ZMYM6: variants seen among roughly 807,000 people sequenced by gnomAD.
ZMYM6 encodes the protein zinc finger MYM-type protein 6.
In ZMYM6, 90 loss-of-function variants were observed where a neutral mutation model predicts 134.0. The observed-to-expected ratio is 0.67, with a 90% CI of 0.57 to 0.80. ZMYM6 has a LOEUF of 0.80. Ranked by LOEUF, ZMYM6 falls within the 30% of genes least tolerant of loss-of-function variation. The pLI is 0.00. For synonymous variants in ZMYM6, 481 were observed against 524.1 expected, an observed-to-expected ratio of 0.92 and a Z score of 1.12; for missense variants, 1,362 against 1,533.9, an observed-to-expected ratio of 0.89 and a Z score of 1.87.
At chr1:34,995,006 C>CATATATACTTACATACGTATATATGTAAT (rs1640751918) in intron 14 of ZMYM6, among the ~76,000 whole-genome samples, 1 of 132,602 alleles carries the variant, frequency 7.5e-6, no homozygotes, top group African/African-American at 3.1e-5. Flanking sequence ...TATATGTATA[C>CATATATACTTACATACGTATATATGTAAT]ATATATACTT....
At position 34,988,774 on chromosome 1, in the gene ZMYM6, T is replaced by G. The variant is rs955992347; in HGVS notation, c.2308A>C (p.Ile770Leu). 16 of 1,551,582 alleles carry G rather than the reference T, an allele frequency of 1.0e-5. No homozygotes were observed. The African/African-American group carries it at 2.2e-4, about 21-fold the overall frequency. Residue 770 changes from isoleucine to leucine, a missense_variant, in exon 16 of 16, where the codon ATT (isoleucine) becomes CTT (leucine). Physicochemically the swap from Ile to Leu is conservative, Grantham distance 5. Transcript: ENST00000357182. ...TCACTGGATAAGATCTCTCCACAAA[T>G]GACACACTGTGGCCTTGGTGAACTT... ...KESSPRPQCV[I>L]CGEILSSENM...
At chr1:35,027,528 T>C (rs1557591033) in intron 2 of ZMYM6, among the ~76,000 whole-genome samples, 1 of 151,944 alleles carries the variant, frequency 6.6e-6, no homozygotes, top group African/African-American at 2.4e-5. Context: ...GCAGGAGGAT[T>C]GCTTGAGGTC....
Position 35,030,694 on chromosome 1 carries a change from G to A in ZMYM6, c.-55C>T. 1 of 1,516,146 alleles carries A rather than the reference G, an allele frequency of 6.6e-7. No homozygotes were observed. The highest frequency in any genetic ancestry group is 9.1e-7 in the Non-Finnish European group (1 of 1,104,666). The allele number at this position is 1,516,146 out of a possible 1,614,324, so 93.9% of individuals were successfully genotyped here. A position where few individuals can be genotyped will look rare whatever the true frequency, so the allele number is the denominator to read the frequency against. ...GGCTCAAACGAATAGATTTCTTCTT[G>A]GTAATGGATAGTTGGACACCTAAAA... On this transcript the variant is annotated 5_prime_UTR_variant, in exon 2 of 16. Transcript: ENST00000357182.
Position 35,012,014 on chromosome 1 carries a change from C to A in ZMYM6, c.947-9G>T. On this transcript the variant is annotated splice_polypyrimidine_tract_variant and intron_variant, in intron 7 of 15. Transcript: ENST00000357182. ...ACATGAAACCTGGACACCTTGGTGA[C>A]AAAAAATTAAAAACAATGATTAAGT... 1 of 1,544,654 alleles carries A rather than the reference C, an allele frequency of 6.5e-7. No individual in the cohort carries two copies. The highest frequency in any genetic ancestry group is 1.4e-5 in the African/African-American group (1 of 72,392).
In ZMYM6 at chr1:34,987,280, G is replaced by A; in HGVS notation, c.3802C>T (p.His1268Tyr). The change falls in exon 16 of 16, where the codon CAT (histidine) becomes TAT (tyrosine). Residue 1268 changes from histidine (H) to tyrosine (Y), a missense_variant. By Grantham distance (83) the His-to-Tyr change is moderately conservative (BLOSUM62 2). Around this residue, in one of 3 missense-constraint regions of ZMYM6, gnomAD observed 824 missense variants for 940.9 expected, o/e 0.88. Coordinates refer to ENST00000357182, the MANE Select transcript of ZMYM6 (RefSeq NM_007167.4). ...AATAAAAATTTCATTGCCCTTTCAT[G>A]GAGTTCTGGGTAACTTGTCTTTGCA... The part of the protein sequence containing the change: ...INAKTSYPEL[H>Y]ERAMKFLLPF... 1 of 1,613,048 alleles carries A rather than the reference G, an allele frequency of 6.2e-7. No homozygotes were observed. Among genetic ancestry groups the A allele is most frequent in the Non-Finnish European group, 8.5e-7 (1 of 1,179,594 alleles).
At position 34,987,537 on chromosome 1, in the gene ZMYM6, T is replaced by C; in HGVS notation, c.3545A>G (p.Asp1182Gly). The C allele has an allele frequency of 6.2e-7, 1 of 1,613,758 alleles. No homozygotes were observed. ...GTGCTCAAAAATAATCCTTGTGATGTCTGTCATATTTAAGCCTGATGAATT... is the reference window on the plus strand; with the variant it reads ...GTGCTCAAAAATAATCCTTGTGATGCCTGTCATATTTAAGCCTGATGAATT... ...FSNSSGLNMTDITRIIFEHLE... is the reference protein window; with the variant it reads ...FSNSSGLNMTGITRIIFEHLE... Residue 1182 changes from aspartate to glycine, a missense_variant, in exon 16 of 16, where the codon GAC becomes GGC. Asp to Gly is a moderately conservative substitution (Grantham distance 94, BLOSUM62 -1). Transcript: ENST00000357182.
intron 10 of ZMYM6, 99 bp from the exon 11 acceptor site, chr1:35,009,023 T>TAG: frequency 8.0e-7 from 1 of 1,256,514 alleles, no homozygotes; most frequent in Non-Finnish European, 1.1e-6. Context: ...TTTAAGCTAA[T>TAG]TTCTAATACA....
At chr1:35,016,699 A>G (rs979271922) in intron 4 of ZMYM6, among the ~76,000 whole-genome samples, 5 of 152,208 alleles carry the variant, frequency 3.3e-5, no homozygotes, top group Non-Finnish European at 5.9e-5. Context: ...GATGGAGTGC[A>G]GTGGCTCACC....
intron 6 of ZMYM6, 120 bp downstream of exon 6, chr1:35,014,577 G>T: frequency 1.0e-6 from 1 of 981,228 alleles, no homozygotes; most frequent in East Asian, 2.6e-5. Context: ...TTTTCTGGAA[G>T]GGAAATCACA....
At position 34,992,207 on chromosome 1, in the gene ZMYM6, T is replaced by C. The variant is rs1297914674; in HGVS notation, c.2146+27A>G. 2.5e-6 allele frequency: 4 copies of C among 1,613,560 alleles called. No individual in the cohort carries two copies. The African/African-American group carries it at 5.3e-5, about 22-fold the overall frequency. On this transcript the variant is annotated intron_variant, in intron 15 of 15. Transcript: ENST00000357182. ...CAAACAAGCCAGAAAACAAGCTTTG[T>C]ACATGGGAACGCACAAGGATACATA...
intron 14 of ZMYM6, 120 bp from the exon 15 acceptor site, chr1:34,992,507 G>C: frequency 9.0e-7 from 1 of 1,110,726 alleles, no homozygotes; most frequent in Admixed American, 3.5e-5. Flanking sequence ...CTCTGAAAGA[G>C]TGGTTGCAAT....
At chr1:35,011,221 G>A (rs886402237) in intron 8 of ZMYM6, among the ~76,000 whole-genome samples, 185 bp from the exon 9 acceptor site, 2 of 152,156 alleles carry the variant, frequency 1.3e-5, no homozygotes, top group South Asian at 4.2e-4. Flanking sequence ...ACATTAAAAG[G>A]TCAAGGACTG....
At position 34,988,838 on chromosome 1, in the gene ZMYM6, A is replaced by G. The variant is rs1270205854; in HGVS notation, c.2244T>C (p.Tyr748=). 2.5e-6 allele frequency: 4 copies of G among 1,583,200 alleles called. No homozygotes were observed. In the East Asian group the frequency reaches 6.8e-5, roughly 27 times the overall value. Residue 748 remains tyrosine, a synonymous_variant, in exon 16 of 16, where the codon TAT becomes TAC. Coordinates refer to ENST00000357182, the MANE Select transcript of ZMYM6 (RefSeq NM_007167.4). Reference sequence around the variant, plus strand: ...GACAGATAATAAAACCAACTTTTAAATATTCTGTATCATAAGTCTGGAAAA... The same window carrying G: ...GACAGATAATAAAACCAACTTTTAAGTATTCTGTATCATAAGTCTGGAAAA... ...LGFFQTYDTE[Y]LKVGFIICPG... is the part of the protein sequence containing the mutation.
intron 2 of ZMYM6, 146 bp downstream of exon 2, chr1:35,030,401 C>G (rs1318162375): frequency 1.4e-6 from 1 of 717,782 alleles, no homozygotes; most frequent in African/African-American, 1.8e-5. Context: ...CACCACTGCA[C>G]TACACCCTCA....
In ZMYM6 at chr1:35,010,446, C is replaced by T. The variant is rs776780310; in HGVS notation, c.1492+1G>A. 2 of 1,605,260 alleles carry T rather than the reference C, an allele frequency of 1.2e-6. No homozygotes were observed. Among genetic ancestry groups the T allele is most frequent in the Non-Finnish European group, 1.7e-6 (2 of 1,177,882 alleles). On this transcript the variant is annotated splice_donor_variant, in intron 10 of 15. Coordinates refer to ENST00000357182, the MANE Select transcript of ZMYM6 (RefSeq NM_007167.4). LOFTEE classifies it high-confidence loss of function. Reference sequence around the variant, plus strand: ...TGTGAATAAAACAACTTTGTCTTTACCTTCACTACAGAATGGCTTATCAAC... The same window carrying T: ...TGTGAATAAAACAACTTTGTCTTTATCTTCACTACAGAATGGCTTATCAAC...
At chr1:35,013,016 A>C (rs1262435558) in intron 6 of ZMYM6, 1 of 968,750 alleles carries the variant, frequency 1.0e-6, no homozygotes, top group East Asian at 1.1e-4. Context: ...TTTAATGTAT[A>C]TTAATAGAGA....
chr1:35,027,683 C>T (rs1035042740), intron 2 of ZMYM6, among the ~76,000 whole-genome samples: 8 of 151,802 alleles, frequency 5.3e-5, no homozygotes, highest in African/African-American at 1.9e-4. Context: ...ACTCACACCA[C>T]TGCACTCCAG....
intron 2 of ZMYM6, among the ~76,000 whole-genome samples, chr1:35,022,837 C>T (rs1414567845): frequency 6.6e-6 from 1 of 152,110 alleles, no homozygotes; most frequent in Non-Finnish European, 1.5e-5. Context: ...TTTTTCTCAC[C>T]CCTGTATACC....
At chr1:35,008,956 T>G in intron 10 of ZMYM6, 32 bp from the exon 11 acceptor site, 1 of 1,592,788 alleles carries the variant, frequency 6.3e-7, no homozygotes, top group Non-Finnish European at 8.5e-7. Flanking sequence ...GGAAGAAAAA[T>G]CAAATTTACA....
Sources: allele counts gnomAD v4.1 joint callset (sites outside exome capture counted in the v4.1 genomes callset), GRCh38; gene constraint gnomAD v4.1.1; regional missense constraint gnomAD v4.1.1; transcripts MANE v1.5; gene names NCBI Gene and HGNC (gene_info 2026-07-23, HGNC 2026-07-21).